Variants in THSD7B observed in about 807,000 individuals in gnomAD.
THSD7B encodes the protein thrombospondin type-1 domain-containing protein 7B.
In THSD7B, 138 loss-of-function variants were observed where a neutral mutation model predicts 213.6. The observed-to-expected ratio is 0.65, with a 90% CI of 0.56 to 0.74. THSD7B has a LOEUF of 0.74. Among genes scored for constraint, THSD7B ranks in the 30% least tolerant of loss-of-function variants. The probability of loss-of-function intolerance (pLI) is 0.00; values close to 1 mark genes in which losing one functional copy is unlikely to be tolerated. For missense variants in THSD7B, 1,931 were observed against 1,991.5 expected (o/e 0.97, Z 0.58); for synonymous variants, 742 against 687.0 (o/e 1.08, Z -1.25).
At chr2:137,552,593 ATCACT>A (rs1680871662) in intron 15 of THSD7B, among the ~76,000 whole-genome samples, 1 of 152,254 alleles carries the variant, frequency 6.6e-6, no homozygotes, top group Non-Finnish European at 1.5e-5. Flanking sequence ...TTATTGTGGT[ATCACT>A]GCTGGCCAGA....
intron 10 of THSD7B, among the ~76,000 whole-genome samples, chr2:137,252,679 T>C (rs1257631578): frequency 6.6e-6 from 1 of 152,100 alleles, no homozygotes; most frequent in African/African-American, 2.4e-5. Context: ...GAGACTCATG[T>C]GGAAGGGGAG....
chr2:137,189,028 T>C (rs998328448), intron 7 of THSD7B, among the ~76,000 whole-genome samples: 6 of 152,154 alleles, frequency 3.9e-5, no homozygotes. Context: ...TTTTGACACA[T>C]TGTAATTCTT....
chr2:136,818,522 A>G (rs1682518884), intron 1 of THSD7B, among the ~76,000 whole-genome samples: 1 of 151,994 alleles, frequency 6.6e-6, no homozygotes, highest in African/African-American at 2.4e-5. Flanking sequence ...CAATGTGCAG[A>G]TGTACCCTAA....
At chr2:137,338,766 CATT>C (rs1264965737) in intron 12 of THSD7B, among the ~76,000 whole-genome samples, 1 of 152,042 alleles carries the variant, frequency 6.6e-6, no homozygotes, top group Admixed American at 6.6e-5. Flanking sequence ...CACACTAAGA[CATT>C]ATCCTTTAAT....
chr2:137,282,121 T>C (rs1266470378), intron 12 of THSD7B, among the ~76,000 whole-genome samples: 1 of 152,046 alleles, frequency 6.6e-6, no homozygotes, highest in East Asian at 1.9e-4. Flanking sequence ...TGGTATCTCA[T>C]TGTGGTTTTG....
chr2:136,833,342 C>T (rs1304383202), intron 1 of THSD7B, among the ~76,000 whole-genome samples: 12 of 103,094 alleles, frequency 1.2e-4, no homozygotes, highest in African/African-American at 1.9e-4. Flanking sequence ...CTGGCCTCGG[C>T]GAAAGAGCGA....
Position 137,021,100 on chromosome 2 carries a change from A to G in THSD7B, c.140-35320A>G, listed in dbSNP as rs13420064. 5.2e-3 allele frequency among the ~76,000 whole-genome samples: 796 copies of G among 152,202 alleles called. 8 individuals carry two copies. The highest frequency in any genetic ancestry group is 0.018 in the African/African-American group (743 of 41,544). ...TTTTCGAGTAGAAATGTGTATTTCT[A>G]TGTAGGAAGTGTGCTTTCTGGGAGT... On this transcript the variant is annotated intron_variant, in intron 2 of 27. Coordinates refer to ENST00000409968, the MANE Select transcript of THSD7B (RefSeq NM_001316349.2).
At chr2:136,863,851 A>G (rs1683292054) in intron 1 of THSD7B, among the ~76,000 whole-genome samples, 1 of 152,158 alleles carries the variant, frequency 6.6e-6, no homozygotes, top group Non-Finnish European at 1.5e-5. Context: ...CGTTTATTTT[A>G]CTTTTCGTGA....
intron 5 of THSD7B, among the ~76,000 whole-genome samples, chr2:137,124,251 C>T (rs866075570): frequency 1.3e-5 from 2 of 152,192 alleles, no homozygotes; most frequent in Admixed American, 6.5e-5. Flanking sequence ...TGAGGTTCCT[C>T]TTGGCAGTGC....
At chr2:136,943,860 G>GT (rs1442593776) in intron 2 of THSD7B, among the ~76,000 whole-genome samples, 2 of 152,048 alleles carry the variant, frequency 1.3e-5, no homozygotes, top group African/African-American at 2.4e-5. Flanking sequence ...TTTTTGAAGG[G>GT]TTTTTTGTGT....
intron 12 of THSD7B, among the ~76,000 whole-genome samples, chr2:137,328,893 T>C (rs1684430043): frequency 6.6e-6 from 1 of 152,188 alleles, no homozygotes; most frequent in African/African-American, 2.4e-5. Flanking sequence ...GATTGTAAGT[T>C]TCCTGAGGCC....
At chr2:137,024,892 T>A (rs1225792949) in intron 2 of THSD7B, among the ~76,000 whole-genome samples, 1 of 152,154 alleles carries the variant, frequency 6.6e-6, no homozygotes, top group Admixed American at 6.6e-5. Flanking sequence ...CCAAGATATA[T>A]TCCATCTAAT....
At chr2:137,601,940 G>T (rs1053702834) in intron 17 of THSD7B, among the ~76,000 whole-genome samples, 6 of 152,170 alleles carry the variant, frequency 3.9e-5, no homozygotes, top group African/African-American at 1.4e-4. Context: ...TCAATCTGAT[G>T]AAAATCTGTC....
chr2:137,320,635 T>C (rs1003657820), intron 12 of THSD7B, among the ~76,000 whole-genome samples: 12 of 152,206 alleles, frequency 7.9e-5, no homozygotes, highest in Non-Finnish European at 1.8e-4. Flanking sequence ...AATGGAATAA[T>C]AAGTTTTATT....
intron 14 of THSD7B, among the ~76,000 whole-genome samples, chr2:137,418,785 T>C (rs1268115934): frequency 6.6e-6 from 1 of 152,224 alleles, no homozygotes; most frequent in Non-Finnish European, 1.5e-5. Flanking sequence ...GGACATGTGA[T>C]ATTTGTCCTT....
chr2:137,355,018 T>C (rs1157392907), intron 12 of THSD7B, among the ~76,000 whole-genome samples: 1 of 152,186 alleles, frequency 6.6e-6, no homozygotes. Context: ...AACAGCCAAA[T>C]CAAAACAAAA....
intron 20 of THSD7B, 68 bp from the exon 21 acceptor site, chr2:137,642,420 A>T (rs1204090765): frequency 1.3e-6 from 2 of 1,581,594 alleles, no homozygotes; most frequent in Non-Finnish European, 1.7e-6. Flanking sequence ...ATAAGGCAAC[A>T]TTCTGTTCTT....
intron 10 of THSD7B, among the ~76,000 whole-genome samples, chr2:137,245,838 A>G (rs1682019540): frequency 6.6e-6 from 1 of 152,172 alleles, no homozygotes; most frequent in South Asian, 2.1e-4. Flanking sequence ...TTTTTGGGAA[A>G]TGGTGTCCTA....
chr2:137,054,549 GCATGTGATTACGTA>G (rs1457749207), intron 2 of THSD7B, among the ~76,000 whole-genome samples: 1 of 152,182 alleles, frequency 6.6e-6, no homozygotes, highest in Non-Finnish European at 1.5e-5. Flanking sequence ...CTTCCTAAAT[GCATGTGATTACGTA>G]CATGTCTACT....
Sources: gnomAD v4.1 joint callset for allele counts (sites outside exome capture counted in the v4.1 genomes callset) on GRCh38, gnomAD v4.1.1 for gene constraint, MANE v1.5 for transcripts, NCBI Gene and HGNC (gene_info 2026-07-23, HGNC 2026-07-21) for gene names.